The following COLQ variants were observed in gnomAD, a reference collection of about 807,000 sequenced individuals.
The protein encoded by COLQ is collagen like tail subunit of asymmetric acetylcholinesterase, also known as acetylcholinesterase collagenic tail peptide.
In COLQ, 48 loss-of-function variants were observed where a neutral mutation model predicts 69.0. The observed-to-expected ratio is 0.70, with a 90% CI of 0.55 to 0.88. COLQ has a LOEUF of 0.88. Among genes scored for constraint, COLQ ranks in the 40% least tolerant of loss-of-function variants. The pLI, the probability that COLQ is intolerant of heterozygous loss-of-function variation, is 0.00. For missense variants in COLQ, 618 were observed against 594.6 expected (o/e 1.04, Z -0.41); for synonymous variants, 217 against 211.2 (o/e 1.03, Z -0.24).
intron 1 of COLQ, among the ~76,000 whole-genome samples, chr3:15,497,097 G>A (rs1162735956): frequency 7.0e-6 from 1 of 143,596 alleles, no homozygotes; most frequent in African/African-American, 2.6e-5. Context: ...AGGCTGGAGT[G>A]CAGTGGTGGG....
intron 1 of COLQ, among the ~76,000 whole-genome samples, chr3:15,520,206 G>A (rs1457459100): frequency 2.0e-5 from 3 of 152,220 alleles, no homozygotes; most frequent in East Asian, 3.8e-4. Flanking sequence ...CCTAGAAGAA[G>A]CTTGATGCTC....
In COLQ at chr3:15,458,149, C is replaced by T. The variant is rs375903795; in HGVS notation, c.954+37G>A. 227 of 1,611,548 alleles carry T rather than the reference C, an allele frequency of 1.4e-4. 3 individuals are homozygous for T. In the South Asian group the frequency reaches 2.0e-3, roughly 14 times the overall value. ...ATAAGGATCAGGTGAGAGGTCCTCA[C>T]GGATAACCACCCCAGACTTCTCCCA... On this transcript the variant is annotated intron_variant, in intron 13 of 16. Coordinates refer to ENST00000383788, the MANE Select transcript of COLQ (RefSeq NM_005677.4).
At chr3:15,475,387 C>G in intron 7 of COLQ, 38 bp downstream of exon 7, 3 of 1,554,040 alleles carry the variant, frequency 1.9e-6, no homozygotes, top group Non-Finnish European at 2.6e-6. Flanking sequence ...CAGAGCCTGA[C>G]AGAGATCTGG....
Position 15,474,940 on chromosome 3 carries a change from TC to T in COLQ, c.539del (p.Gly180AspfsTer44), listed in dbSNP as rs1414156967. 6.2e-7 allele frequency: 1 copy of T among 1,614,136 alleles called. No homozygotes were observed. ...RGPMGSKGYPGSRGEKGSRGE... is the reference protein window; with the variant it reads ...RGPMGSKGYPXSRGEKGSRGE... ...AAGCACTAACCTTTTCCCCTCTGGA[TC>T]CAGGGTAGCCCTAAAAGAAAGCAGA... On this transcript the variant is annotated frameshift_variant, in exon 8 of 17. Coordinates refer to ENST00000383788, the MANE Select transcript of COLQ (RefSeq NM_005677.4). LOFTEE classifies it high-confidence loss of function.
chr3:15,479,367 G>T lies in COLQ; in HGVS notation c.337C>A (p.Pro113Thr), dbSNP rs768502040. Residue 113 changes from proline (P) to threonine (T), a missense_variant, in exon 4 of 17, where the codon CCT (proline) becomes ACT (threonine). Physicochemically the swap from Pro to Thr is conservative, Grantham distance 38. Transcript: ENST00000383788. ...PPGPQGPPGL[P>T]GKTGPKGEKG... ...TCTCCCTTTGGTCCTGTCTTGCCAG[G>T]AAGCCCCGGTGGACCCTAATCAATC... The T allele has an allele frequency of 6.2e-7, 1 of 1,614,014 alleles. No homozygotes were observed. The highest frequency in any genetic ancestry group is 8.5e-7 in the Non-Finnish European group (1 of 1,179,994).
At chr3:15,460,470 G>A (rs1264320898) in intron 12 of COLQ, among the ~76,000 whole-genome samples, 1 of 152,172 alleles carries the variant, frequency 6.6e-6, no homozygotes, top group African/African-American at 2.4e-5. Context: ...GCCAGTCATT[G>A]GTGTCAGGCA....
At chr3:15,458,811 T>C (rs573190345) in intron 12 of COLQ, among the ~76,000 whole-genome samples, 1 of 152,296 alleles carries the variant, frequency 6.6e-6, no homozygotes, top group East Asian at 1.9e-4. Context: ...TAACTTTTAT[T>C]GTTTTAAAAA....
At chr3:15,456,058 A>C (rs2062020079) in intron 14 of COLQ, 39 bp from the exon 15 acceptor site, 2 of 1,612,808 alleles carry the variant, frequency 1.2e-6, no homozygotes, top group Non-Finnish European at 1.7e-6. Flanking sequence ...GGAGCATGGC[A>C]TACCCAGGCA....
At chr3:15,475,402 G>C in intron 7 of COLQ, 23 bp downstream of exon 7, 1 of 1,578,902 alleles carries the variant, frequency 6.3e-7, no homozygotes, top group Non-Finnish European at 8.6e-7. Flanking sequence ...ATCTGGGAAC[G>C]TCCATTTGGA....
rs756730529 is a variant in COLQ at position 15,488,239 on chromosome 3, G to A, written c.288C>T (p.Gly96=). Residue 96 remains glycine, a synonymous_variant, in exon 3 of 17, where the codon GGC becomes GGT. Coordinates refer to ENST00000383788, the MANE Select transcript of COLQ (RefSeq NM_005677.4). ...LETSQSPCMQ[G]SLGSPGPPGP... ...CGGGAGGCCCAGGGGAGCCTAGCGA[G>A]CCTTGCATGCACGGGGACTGCGAGG... 1.2e-6 allele frequency: 2 copies of A among 1,613,304 alleles called. No homozygotes were observed.
intron 1 of COLQ, among the ~76,000 whole-genome samples, chr3:15,521,240 T>G (rs890189040): frequency 3.3e-5 from 5 of 152,196 alleles, no homozygotes; most frequent in Middle Eastern, 3.2e-3. Flanking sequence ...CTGACCAAGA[T>G]GAAATCATGC....
intron 12 of COLQ, among the ~76,000 whole-genome samples, chr3:15,458,625 A>G (rs1230188834): frequency 6.6e-6 from 1 of 152,190 alleles, no homozygotes; most frequent in Non-Finnish European, 1.5e-5. Context: ...ATAAGCCAAC[A>G]TGCAGGAAAG....
rs2061939557 is a variant in COLQ, at chr3:15,451,399, A to T, written c.*245T>A. ...CCGGTTGTTTGGCCAAATGGTAGCG[A>T]TGGGGAACAGGTCTCAGGTTGGGCA... On this transcript the variant is annotated 3_prime_UTR_variant, in exon 17 of 17. Coordinates refer to ENST00000383788, the MANE Select transcript of COLQ (RefSeq NM_005677.4). 1.5e-6 allele frequency: 1 copy of T among 654,114 alleles called. No individual in the cohort carries two copies. The highest frequency in any genetic ancestry group is 2.8e-6 in the Non-Finnish European group (1 of 356,954). The allele number at this position is 654,114 out of a possible 1,614,324, so 40.5% of individuals were successfully genotyped here. A position where few individuals can be genotyped will look rare whatever the true frequency, so the allele number is the denominator to read the frequency against.
chr3:15,462,119 C>T (rs1160172332), intron 12 of COLQ, among the ~76,000 whole-genome samples: 1 of 152,124 alleles, frequency 6.6e-6, no homozygotes, highest in African/African-American at 2.4e-5. Flanking sequence ...ACCTCCGCCT[C>T]CCGGGTTCAA....
At position 15,488,322 on chromosome 3, in the gene COLQ, AAC is replaced by A. The variant is rs2062611113; in HGVS notation, c.220-17_220-16del. 1.2e-6 allele frequency: 2 copies of A among 1,609,918 alleles called. No homozygotes were observed. Among genetic ancestry groups the A allele is most frequent in the Non-Finnish European group, 1.7e-6 (2 of 1,177,470 alleles). On this transcript the variant is annotated splice_polypyrimidine_tract_variant and intron_variant, in intron 2 of 16. Transcript: ENST00000383788. The stretch of plus-strand genomic sequence containing the variant: ...GGGGAGAGAAGCTTCAGTACAAAGC[AAC>A]ACAGAGTTAGAGGTCAGGCGTAGGG...
chr3:15,463,375 C>T (rs1203999600), intron 12 of COLQ, among the ~76,000 whole-genome samples: 5 of 151,020 alleles, frequency 3.3e-5, no homozygotes, highest in African/African-American at 1.2e-4. Flanking sequence ...GAGATGGAGT[C>T]TTGCTCTGTC....
chr3:15,458,058 A>G (rs2062049813), intron 13 of COLQ, 128 bp downstream of exon 13: 9 of 981,682 alleles, frequency 9.2e-6, no homozygotes, highest in East Asian at 2.4e-5. Flanking sequence ...CCAATTTCCT[A>G]TAATGAGGGT....
chr3:15,513,452 C>T (rs910825943), intron 1 of COLQ, among the ~76,000 whole-genome samples: 7 of 152,140 alleles, frequency 4.6e-5, no homozygotes, highest in African/African-American at 1.7e-4. Flanking sequence ...TTGGGGTAAG[C>T]AGGAAGAAGA....
intron 1 of COLQ, among the ~76,000 whole-genome samples, chr3:15,507,794 G>C (rs1220347223): frequency 6.6e-6 from 1 of 152,170 alleles, no homozygotes; most frequent in Non-Finnish European, 1.5e-5. Flanking sequence ...TATAGTAAAT[G>C]AGACTGAGAA....
Sources: gnomAD v4.1 joint callset for allele counts (sites outside exome capture counted in the v4.1 genomes callset) on GRCh38, gnomAD v4.1.1 for gene constraint, MANE v1.5 for transcripts, NCBI Gene and HGNC (gene_info 2026-07-23, HGNC 2026-07-21) for gene names.